The following GPR158 variants were observed in gnomAD, a reference collection of about 807,000 sequenced individuals.
GPR158 encodes the protein G protein-coupled receptor 158.
GPR158 carries 30 observed loss-of-function variants against 78.2 expected under a neutral mutation model. The ratio of observed to expected loss-of-function variants is 0.38; its 90% CI spans 0.29 to 0.52. The LOEUF (loss-of-function observed/expected upper bound fraction) is 0.52, where lower values mean the gene tolerates loss of function less well. GPR158 is among the 20% of genes least tolerant of loss of function. GPR158 has a pLI of 0.83. For missense variants in GPR158, 1,463 were observed against 1,523.5 expected, an observed-to-expected ratio of 0.96 and a Z score of 0.66; for synonymous variants, 581 against 591.1, an observed-to-expected ratio of 0.98 and a Z score of 0.25.
chr10:25,521,402 A>G (rs1368456852), intron 5 of GPR158, among the ~76,000 whole-genome samples: 1 of 152,046 alleles, frequency 6.6e-6, no homozygotes, highest in Non-Finnish European at 1.5e-5. Flanking sequence ...CTCTATTGTT[A>G]TCTATTTCAC....
At chr10:25,239,430 A>C (rs1263730109) in intron 2 of GPR158, among the ~76,000 whole-genome samples, 2 of 151,986 alleles carry the variant, frequency 1.3e-5, no homozygotes, top group Admixed American at 1.3e-4. Flanking sequence ...AACATGGTGA[A>C]ACCCCGTCTC....
intron 2 of GPR158, among the ~76,000 whole-genome samples, chr10:25,336,652 G>T (rs926523640): frequency 2.6e-5 from 4 of 152,058 alleles, no homozygotes; most frequent in Admixed American, 2.0e-4. Context: ...GTTCAAAATG[G>T]AAAAGGCCTC....
intron 3 of GPR158, among the ~76,000 whole-genome samples, chr10:25,410,918 T>C (rs1459230633): frequency 6.6e-6 from 1 of 152,206 alleles, no homozygotes; most frequent in Non-Finnish European, 1.5e-5. Context: ...GAATTCTTAA[T>C]AAGAGTTGAA....
intron 1 of GPR158, among the ~76,000 whole-genome samples, chr10:25,206,954 C>T (rs1247102941): frequency 1.3e-5 from 2 of 151,034 alleles, no homozygotes; most frequent in African/African-American, 4.9e-5. Flanking sequence ...TCCAGAGTTT[C>T]AAGTCTGTCT....
intron 5 of GPR158, among the ~76,000 whole-genome samples, chr10:25,530,212 GA>G (rs1296437996): frequency 6.6e-6 from 1 of 152,062 alleles, no homozygotes; most frequent in Non-Finnish European, 1.5e-5. Context: ...TGAGAAAAGT[GA>G]AAAGTGTTAT....
chr10:25,211,781 A>G (rs868718402), intron 1 of GPR158, among the ~76,000 whole-genome samples: 5 of 152,188 alleles, frequency 3.3e-5, no homozygotes, highest in African/African-American at 7.2e-5. Context: ...ACCTGTGTAC[A>G]TGGTATTGGG....
Position 25,175,203 on chromosome 10 carries a change from C to T in GPR158, c.-218C>T, listed in dbSNP as rs1186712846. 1.2e-5 allele frequency: 6 copies of T among 484,516 alleles called. No homozygotes were observed. In the Admixed American group the frequency reaches 1.9e-4, roughly 16 times the overall value. The allele number at this position is 484,516 out of a possible 1,614,324, so 30.0% of individuals were successfully genotyped here. A position where few individuals can be genotyped will look rare whatever the true frequency, so the allele number is the denominator to read the frequency against. ...CAGCCGGCCCCTCGCGCAGCGGGCA[C>T]GGCCAGCGCTGCCACAGGTGACTTG... On this transcript the variant is annotated 5_prime_UTR_variant, in exon 1 of 11. The change creates a new upstream start codon in the 5' untranslated region. Coordinates refer to ENST00000376351, the MANE Select transcript of GPR158 (RefSeq NM_020752.3). The surrounding 1 kb of genome is among the most constrained non-coding windows in gnomAD (Gnocchi z 6.4).
chr10:25,387,070 T>C (rs1194776546), intron 2 of GPR158, among the ~76,000 whole-genome samples: 1 of 152,122 alleles, frequency 6.6e-6, no homozygotes, highest in Non-Finnish European at 1.5e-5. Flanking sequence ...AGAGGAAAAG[T>C]TTTCAGTTTT....
At chr10:25,219,661 A>G (rs996795398) in intron 1 of GPR158, among the ~76,000 whole-genome samples, 5 of 152,224 alleles carry the variant, frequency 3.3e-5, no homozygotes, top group African/African-American at 1.2e-4. Context: ...GTAATGTAGT[A>G]CTTTTCTCAC....
At chr10:25,345,489 C>T (rs1855360500) in intron 2 of GPR158, among the ~76,000 whole-genome samples, 1 of 151,878 alleles carries the variant, frequency 6.6e-6, no homozygotes, top group African/African-American at 2.4e-5. Context: ...TAAATTTAAA[C>T]ATAATCCAGA....
intron 5 of GPR158, among the ~76,000 whole-genome samples, chr10:25,537,465 A>G (rs1029178): frequency 0.13 from 19,410 of 152,184 alleles, 2,357 homozygotes; most frequent in African/African-American, 0.31. Context: ...GAACATGTGT[A>G]AGATACTGAG....
chr10:25,232,835 G>C lies in GPR158; in HGVS notation c.1008+11678G>C, dbSNP rs1853468956. 2.0e-5 allele frequency among the ~76,000 whole-genome samples: 3 copies of C among 152,182 alleles called. No individual in the cohort carries two copies. The South Asian group carries it at 6.2e-4, about 32-fold the overall frequency. On this transcript the variant is annotated intron_variant, in intron 2 of 10. Coordinates refer to ENST00000376351, the MANE Select transcript of GPR158 (RefSeq NM_020752.3). ...TTCTTTTAGCTTATTCATAGTTTGGGTTACTATTGTCTCTAAAATGCACAA... is the reference window on the plus strand; with the variant it reads ...TTCTTTTAGCTTATTCATAGTTTGGCTTACTATTGTCTCTAAAATGCACAA...
chr10:25,576,582 T>C (rs1837100283), intron 7 of GPR158, among the ~76,000 whole-genome samples: 1 of 152,056 alleles, frequency 6.6e-6, no homozygotes, highest in Non-Finnish European at 1.5e-5. Flanking sequence ...GACCCTGAGA[T>C]AGATAGTGCA....
chr10:25,206,385 A>G (rs902482974), intron 1 of GPR158, among the ~76,000 whole-genome samples: 2 of 152,192 alleles, frequency 1.3e-5, no homozygotes, highest in African/African-American at 2.4e-5. Context: ...CTGGAAGACT[A>G]TGAAATCTGT....
intron 2 of GPR158, among the ~76,000 whole-genome samples, chr10:25,320,664 G>C (rs766575018): frequency 6.6e-6 from 1 of 152,148 alleles, no homozygotes; most frequent in Non-Finnish European, 1.5e-5. Flanking sequence ...GTTGCTATTT[G>C]TCTCTACATA....
At chr10:25,393,630 G>C (rs1834331451) in intron 2 of GPR158, 1 of 152,162 alleles carries the variant, frequency 6.6e-6, no homozygotes, top group Non-Finnish European at 1.5e-5. Context: ...AGAGGTTCTA[G>C]CAGGGGAACA....
chr10:25,207,057 A>G (rs1289661203), intron 1 of GPR158, among the ~76,000 whole-genome samples: 1 of 152,036 alleles, frequency 6.6e-6, no homozygotes, highest in Non-Finnish European at 1.5e-5. Context: ...TTATAGGAGG[A>G]GAATTATGAA....
chr10:25,361,323 A>G (rs1410127003), intron 2 of GPR158, among the ~76,000 whole-genome samples: 1 of 151,626 alleles, frequency 6.6e-6, no homozygotes. Flanking sequence ...CATTTTGCTT[A>G]TTGTTTCATT....
chr10:25,576,010 C>T (rs1837089226), intron 7 of GPR158, among the ~76,000 whole-genome samples: 1 of 123,026 alleles, frequency 8.1e-6, no homozygotes, highest in South Asian at 2.6e-4. Flanking sequence ...CTAAAACTCC[C>T]CTACCTCCAA....
Sources: allele counts gnomAD v4.1 joint callset (sites outside exome capture counted in the v4.1 genomes callset), GRCh38; gene constraint gnomAD v4.1.1; non-coding constraint Gnocchi (gnomAD v3.1); transcripts MANE v1.5; gene names NCBI Gene and HGNC (gene_info 2026-07-23, HGNC 2026-07-21).